Variants in IRAK2 observed in about 807,000 individuals in gnomAD.
IRAK2 encodes the protein interleukin 1 receptor associated kinase 2.
A neutral mutation model predicts 72.0 loss-of-function variants in IRAK2; 57 were observed. The ratio of observed to expected loss-of-function variants is 0.79; its 90% confidence interval spans 0.64 to 0.99. The LOEUF (loss-of-function observed/expected upper bound fraction) is 0.99, where lower values mean the gene tolerates loss of function less well. Ranked by LOEUF, IRAK2 falls within the 50% of genes least tolerant of loss-of-function variation. The pLI is 0.00. For synonymous variants in IRAK2, 293 were observed against 312.7 expected (o/e 0.94, Z 0.67); for missense variants, 790 against 794.4 (o/e 0.99, Z 0.07).
At position 10,213,556 on chromosome 3, in the gene IRAK2, TC is replaced by T; in HGVS notation, c.788+12del. On this transcript the variant is annotated intron_variant, in intron 6 of 12. Coordinates refer to ENST00000256458, the MANE Select transcript of IRAK2 (RefSeq NM_001570.4). ...GTTGCAGATTTGTCTTAGGTAAGCCTCCCCTTTGTTTAGTAATAATGATAGC... is the reference window on the plus strand; with the variant it reads ...GTTGCAGATTTGTCTTAGGTAAGCCTCCCTTTGTTTAGTAATAATGATAGC... 1 of 1,609,414 alleles carries T rather than the reference TC, an allele frequency of 6.2e-7. No individual in the cohort carries two copies. Among genetic ancestry groups the T allele is most frequent in the Non-Finnish European group, 8.5e-7 (1 of 1,175,690 alleles).
rs55839723 is a variant in IRAK2, at chr3:10,184,723, G to GTTT, written c.277+6725_277+6727dup. On this transcript the variant is annotated intron_variant, in intron 2 of 12. Coordinates refer to ENST00000256458, the MANE Select transcript of IRAK2 (RefSeq NM_001570.4). The stretch of plus-strand genomic sequence containing the variant: ...CTGTTTTTTTGTGGAGTTTTTGTGT[G>GTTT]TTTTTTTTTTTTTTTTTTTTTTTTG... Among the ~76,000 whole-genome samples the GTTT allele has an allele frequency of 8.3e-3, 847 of 101,970 alleles. 18 individuals are homozygous for GTTT. Among genetic ancestry groups the GTTT allele is most frequent in the East Asian group, 0.021 (56 of 2,714 alleles). 66.9% of individuals were successfully genotyped at this position (101,970 alleles called of 152,430 possible). A position where few individuals can be genotyped will look rare whatever the true frequency, so the allele number is the denominator to read the frequency against.
At chr3:10,227,770 G>T (rs1004219633) in intron 10 of IRAK2, among the ~76,000 whole-genome samples, 1 of 151,662 alleles carries the variant, frequency 6.6e-6, no homozygotes, top group Non-Finnish European at 1.5e-5. Context: ...CCGGGTTCAT[G>T]CCATTCTTCT....
At chr3:10,231,808 C>T (rs1697865676) in intron 10 of IRAK2, among the ~76,000 whole-genome samples, 1 of 152,132 alleles carries the variant, frequency 6.6e-6, no homozygotes. Context: ...AACCACCACG[C>T]CCGGGCATGG....
At chr3:10,178,848 G>A (rs576245190) in intron 2 of IRAK2, among the ~76,000 whole-genome samples, 3 of 152,298 alleles carry the variant, frequency 2.0e-5, no homozygotes, top group African/African-American at 7.2e-5. Context: ...TGCTGCCCAG[G>A]CTGGAGAGCA....
At chr3:10,237,330 A>G (rs866126692) in intron 11 of IRAK2, among the ~76,000 whole-genome samples, 58 of 152,208 alleles carry the variant, frequency 3.8e-4, no homozygotes, top group African/African-American at 1.2e-3. Context: ...CTCTTAGTAC[A>G]TCACAACCAA....
chr3:10,220,653 C>G (rs987373968), intron 8 of IRAK2, among the ~76,000 whole-genome samples: 8 of 152,058 alleles, frequency 5.3e-5, no homozygotes, highest in African/African-American at 1.9e-4. Context: ...GTTGGCCAGG[C>G]TAGTGTCGAA....
intron 6 of IRAK2, among the ~76,000 whole-genome samples, chr3:10,216,335 A>G (rs1346574275): frequency 1.3e-5 from 2 of 152,142 alleles, no homozygotes; most frequent in Non-Finnish European, 2.9e-5. Flanking sequence ...CAGGATGCAA[A>G]TTGACATTCA....
intron 1 of IRAK2, among the ~76,000 whole-genome samples, chr3:10,171,527 A>G (rs1696794193): frequency 6.6e-6 from 1 of 152,136 alleles, no homozygotes; most frequent in African/African-American, 2.4e-5. Flanking sequence ...AAGGTTTTCT[A>G]CTGCCTCGGG....
intron 11 of IRAK2, among the ~76,000 whole-genome samples, chr3:10,235,396 C>A (rs1433302902): frequency 1.3e-5 from 2 of 151,900 alleles, no homozygotes; most frequent in East Asian, 3.9e-4. Flanking sequence ...CTCCCGGGTT[C>A]AAGTAATTCT....
intron 2 of IRAK2, among the ~76,000 whole-genome samples, chr3:10,187,855 C>A (rs977319739): frequency 7.2e-5 from 11 of 152,082 alleles, no homozygotes; most frequent in African/African-American, 2.4e-4. Context: ...TGATGGAGAA[C>A]CTAGGGGGTC....
At chr3:10,215,800 T>C (rs1232377026) in intron 6 of IRAK2, among the ~76,000 whole-genome samples, 1 of 148,500 alleles carries the variant, frequency 6.7e-6, no homozygotes, top group Non-Finnish European at 1.5e-5. Flanking sequence ...ATACATCTAA[T>C]AAAAACTGGA....
intron 3 of IRAK2, among the ~76,000 whole-genome samples, chr3:10,201,495 G>C (rs1697359877): frequency 6.6e-6 from 1 of 152,258 alleles, no homozygotes; most frequent in Admixed American, 6.5e-5. Context: ...AGGGAGAGCA[G>C]CTTGCTTAAG....
At chr3:10,191,066 C>G (rs552924916) in intron 2 of IRAK2, among the ~76,000 whole-genome samples, 5 of 151,840 alleles carry the variant, frequency 3.3e-5, no homozygotes, top group Non-Finnish European at 2.9e-5. Flanking sequence ...AGGCCGAGGC[C>G]GGCGGATCAC....
At chr3:10,231,817 G>T (rs925512259) in intron 10 of IRAK2, among the ~76,000 whole-genome samples, 2 of 152,042 alleles carry the variant, frequency 1.3e-5, no homozygotes, top group African/African-American at 2.4e-5. Context: ...GCCCGGGCAT[G>T]GTTATGTTTC....
Position 10,234,570 on chromosome 3 carries a change from G to A in IRAK2, c.1384G>A (p.Gly462Ser). The change falls in exon 11 of 13, where the codon GGC becomes AGC. Residue 462 changes from glycine to serine, a missense_variant. Physicochemically the swap from Gly to Ser is moderately conservative, Grantham distance 56. Coordinates refer to ENST00000256458, the MANE Select transcript of IRAK2 (RefSeq NM_001570.4). ...GATCTGCCAGAAGTACCTGGAGAAG[G>A]GCGCAGGGAGGCTTCCGGAGGACTG... is the stretch of plus-strand genomic sequence containing the variant. The part of the protein sequence containing the change: ...KEICQKYLEK[G>S]AGRLPEDCAE... 3 of 1,614,010 alleles carry A rather than the reference G, an allele frequency of 1.9e-6. No homozygotes were observed. The highest frequency in any genetic ancestry group is 2.5e-6 in the Non-Finnish European group (3 of 1,180,026).
At chr3:10,216,171 A>AT (rs1049578790) in intron 6 of IRAK2, among the ~76,000 whole-genome samples, 5 of 152,164 alleles carry the variant, frequency 3.3e-5, no homozygotes, top group African/African-American at 1.2e-4. Context: ...TTTAAAAGTT[A>AT]TTTGTGGCAG....
chr3:10,189,848 C>T (rs1291456879), intron 2 of IRAK2, among the ~76,000 whole-genome samples: 2 of 152,000 alleles, frequency 1.3e-5, no homozygotes, highest in Admixed American at 6.6e-5. Flanking sequence ...CGCCCCTTTC[C>T]AGCTGCTAGG....
At chr3:10,200,031 C>T (rs1321020336) in intron 2 of IRAK2, among the ~76,000 whole-genome samples, 1 of 151,856 alleles carries the variant, frequency 6.6e-6, no homozygotes, top group Non-Finnish European at 1.5e-5. Context: ...GAGACTACAG[C>T]CGTGTGCCAC....
chr3:10,213,158 G>C (rs1181787766), intron 4 of IRAK2, 49 bp from the exon 5 acceptor site: 1 of 1,531,042 alleles, frequency 6.5e-7, no homozygotes, highest in African/African-American at 1.4e-5. Context: ...AGGTAGCAGA[G>C]AAAACGAGAT....
Sources: allele counts gnomAD v4.1 joint callset (sites outside exome capture counted in the v4.1 genomes callset), GRCh38; gene constraint gnomAD v4.1.1; transcripts MANE v1.5; gene names NCBI Gene and HGNC (gene_info 2026-07-23, HGNC 2026-07-21).